Variants in RPIA observed in about 807,000 individuals in gnomAD.
RPIA encodes ribose-5-phosphate isomerase.
RPIA carries 29 observed loss-of-function variants against 37.8 expected under a neutral mutation model. The ratio of observed to expected loss-of-function variants is 0.77; its 90% CI spans 0.57 to 1.05. RPIA has a LOEUF of 1.05. Ranked by LOEUF, RPIA falls within the 50% of genes least tolerant of loss-of-function variation. The pLI, the probability that RPIA is intolerant of heterozygous loss-of-function variation, is 0.00. For synonymous variants in RPIA, 167 were observed against 157.0 expected (o/e 1.06, Z -0.48); for missense variants, 385 against 413.6 (o/e 0.93, Z 0.60).
At chr2:88,716,894 C>T (rs1673043518) in intron 3 of RPIA, among the ~76,000 whole-genome samples, 3 of 152,118 alleles carry the variant, frequency 2.0e-5, no homozygotes, top group Admixed American at 1.3e-4. Flanking sequence ...GAATGCAGAT[C>T]CAAAGATCAG....
intron 3 of RPIA, among the ~76,000 whole-genome samples, chr2:88,703,397 T>A (rs1376712161): frequency 2.6e-5 from 4 of 152,228 alleles, no homozygotes; most frequent in Non-Finnish European, 5.9e-5. Flanking sequence ...TCCAGGTGTT[T>A]CCATACATCT....
intron 3 of RPIA, among the ~76,000 whole-genome samples, chr2:88,722,485 C>T (rs1025825557): frequency 6.6e-6 from 1 of 151,508 alleles, no homozygotes; most frequent in African/African-American, 2.4e-5. Context: ...TGAAACTTTC[C>T]ATTGCAAAAT....
At chr2:88,737,842 C>T (rs1314090907) in intron 7 of RPIA, 135 bp from the exon 8 acceptor site, 1 of 690,262 alleles carries the variant, frequency 1.4e-6, no homozygotes, top group East Asian at 2.9e-5. Flanking sequence ...ATTACCACTT[C>T]ACAGCACACC....
chr2:88,704,731 G>A (rs1034013771), intron 3 of RPIA, among the ~76,000 whole-genome samples: 41 of 152,140 alleles, frequency 2.7e-4, no homozygotes, highest in African/African-American at 9.7e-4. Context: ...GGGGCCATCA[G>A]GCAAGAGAAA....
chr2:88,704,555 C>T (rs987562036), intron 3 of RPIA, among the ~76,000 whole-genome samples: 1 of 152,150 alleles, frequency 6.6e-6, no homozygotes, highest in African/African-American at 2.4e-5. Context: ...AGGTTTCTCC[C>T]ACAACACATG....
At chr2:88,727,990 C>A (rs865882450) in intron 3 of RPIA, among the ~76,000 whole-genome samples, 4 of 152,182 alleles carry the variant, frequency 2.6e-5, no homozygotes, top group Non-Finnish European at 5.9e-5. Flanking sequence ...CAATAATTAT[C>A]AGTTCACAGC....
At chr2:88,736,496 T>C (rs747281280) in intron 6 of RPIA, 39 bp from the exon 7 acceptor site, 3 of 1,612,736 alleles carry the variant, frequency 1.9e-6, no homozygotes, top group Non-Finnish European at 2.5e-6. Flanking sequence ...CTGTTGAGCT[T>C]ATTTACTTTT....
chr2:88,732,728 TAAAAAAAAAAAAAAAAAAAA>T (rs75685116), intron 4 of RPIA, among the ~76,000 whole-genome samples: 2 of 1,998 alleles, frequency 1.0e-3, no homozygotes, highest in East Asian at 7.0e-3. Flanking sequence ...TAGAGTATAA[TAAAAAAAAAAAAAAAAAAAA>T]AAAAAAAAAA....
chr2:88,733,703 C>G (rs1673279717), intron 4 of RPIA, among the ~76,000 whole-genome samples: 2 of 152,164 alleles, frequency 1.3e-5, no homozygotes, highest in African/African-American at 2.4e-5. Flanking sequence ...CTGTGCCATG[C>G]CAGCCATGCC....
chr2:88,742,068 C>A (rs1056553735), intron 8 of RPIA, among the ~76,000 whole-genome samples: 2 of 152,068 alleles, frequency 1.3e-5, no homozygotes, highest in Non-Finnish European at 2.9e-5. Flanking sequence ...TTAAGTTCCA[C>A]CTACTTATCT....
At chr2:88,726,566 C>T (rs1373076904) in intron 3 of RPIA, among the ~76,000 whole-genome samples, 1 of 152,012 alleles carries the variant, frequency 6.6e-6, no homozygotes, top group Non-Finnish European at 1.5e-5. Context: ...TGGTGTGGTG[C>T]CTGGCACTCC....
chr2:88,738,013 G>A lies in RPIA; in HGVS notation c.775G>A (p.Asp259Asn), dbSNP rs1377525655. The change falls in exon 8 of 9, where the codon GAC becomes AAC. Residue 259 changes from aspartate to asparagine, a missense_variant. Physicochemically the swap from Asp to Asn is conservative, Grantham distance 23. This residue lies in a region of RPIA where 153 missense variants were observed against 210.6 expected (regional missense o/e 0.73). Transcript: ENST00000283646. Reference protein sequence around the residue: ...VVTDNGNFILDWKFDRVHKWS... With the variant: ...VVTDNGNFILNWKFDRVHKWS... ...GACAGATAATGGGAATTTTATCTTG[G>A]ACTGGAAGTTTGACCGGGTACACAA... 1 of 1,613,982 alleles carries A rather than the reference G, an allele frequency of 6.2e-7. No homozygotes were observed. Among genetic ancestry groups the A allele is most frequent in the Admixed American group, 1.7e-5 (1 of 60,012 alleles).
At position 88,692,296 on chromosome 2, in the gene RPIA, C is replaced by T. The variant is rs528844926; in HGVS notation, c.285+313C>T. ...TTGGAATGGGGGCTAGAGGCACTTG[C>T]CTTGTGGCCTCCTTATCAATAAATG... On this transcript the variant is annotated intron_variant, in intron 1 of 8. Transcript: ENST00000283646. Among the ~76,000 whole-genome samples, 292 of 152,292 alleles carry T rather than the reference C, an allele frequency of 1.9e-3. 1 individual carries two copies. Among genetic ancestry groups the T allele is most frequent in the Non-Finnish European group, 9.4e-4 (64 of 68,022 alleles).
intron 3 of RPIA, among the ~76,000 whole-genome samples, chr2:88,719,059 T>A (rs1056177679): frequency 2.0e-5 from 3 of 152,158 alleles, no homozygotes; most frequent in African/African-American, 7.2e-5. Flanking sequence ...TCCTTTATTC[T>A]GATGTTACAA....
intron 1 of RPIA, among the ~76,000 whole-genome samples, chr2:88,696,523 A>G (rs1469914704): frequency 6.6e-6 from 1 of 152,012 alleles, no homozygotes; most frequent in Admixed American, 6.6e-5. Context: ...TAGTTTATAT[A>G]TATTATAAAC....
intron 8 of RPIA, among the ~76,000 whole-genome samples, chr2:88,748,586 TGA>T (rs1185794679): frequency 1.3e-5 from 2 of 152,276 alleles, no homozygotes; most frequent in African/African-American, 2.4e-5. Context: ...GAAGTATGTG[TGA>T]GTATATGTAA....
chr2:88,703,383 G>C (rs1672857804), intron 3 of RPIA, among the ~76,000 whole-genome samples: 1 of 152,184 alleles, frequency 6.6e-6, no homozygotes, highest in African/African-American at 2.4e-5. Context: ...CTTCTGCCTG[G>C]GCATCCAGGT....
At chr2:88,707,286 T>C (rs1032010761) in intron 3 of RPIA, among the ~76,000 whole-genome samples, 2 of 151,536 alleles carry the variant, frequency 1.3e-5, no homozygotes, top group Non-Finnish European at 1.5e-5. Flanking sequence ...TGGTAAATAT[T>C]GACTTTTCTT....
chr2:88,728,146 A>G (rs1315593253), intron 3 of RPIA, among the ~76,000 whole-genome samples: 1 of 152,254 alleles, frequency 6.6e-6, no homozygotes, highest in Non-Finnish European at 1.5e-5. Flanking sequence ...AATACTAAAA[A>G]GAGCAATAAT....
Sources: gnomAD v4.1 joint callset for allele counts (sites outside exome capture counted in the v4.1 genomes callset) on GRCh38, gnomAD v4.1.1 for gene constraint, gnomAD v4.1.1 regional missense constraint, MANE v1.5 for transcripts, NCBI Gene and HGNC (gene_info 2026-07-23, HGNC 2026-07-21) for gene names.